The following PCDHA12 variants were observed in gnomAD, a reference collection of about 807,000 sequenced individuals.
The protein encoded by PCDHA12 is protocadherin alpha 12.
In PCDHA12, 44 loss-of-function variants were observed where a neutral mutation model predicts 60.0. That is an observed-to-expected ratio of 0.73 (90% CI 0.58 to 0.94). The LOEUF (loss-of-function observed/expected upper bound fraction) is 0.94. Among genes scored for constraint, PCDHA12 ranks in the 40% least tolerant of loss-of-function variants. PCDHA12 has a pLI of 0.00. For synonymous variants in PCDHA12, 569 were observed against 553.0 expected (o/e 1.03, Z -0.40); for missense variants, 1,276 against 1,239.7 (o/e 1.03, Z -0.44).
At chr5:140,897,803 C>A (rs1285512803) in intron 1 of PCDHA12, among the ~76,000 whole-genome samples, 2 of 152,130 alleles carry the variant, frequency 1.3e-5, no homozygotes, top group Non-Finnish European at 2.9e-5. Flanking sequence ...AGAGTCCCAC[C>A]AACAGTGTAA....
intron 1 of PCDHA12, among the ~76,000 whole-genome samples, chr5:140,905,211 G>A (rs1554191947): frequency 6.6e-6 from 1 of 152,130 alleles, no homozygotes; most frequent in Non-Finnish European, 1.5e-5. Flanking sequence ...GTTGATTTTT[G>A]TGTAAGGTGA....
intron 3 of PCDHA12, among the ~76,000 whole-genome samples, chr5:140,997,106 C>T (rs2153943751): frequency 6.6e-6 from 1 of 152,162 alleles, no homozygotes; most frequent in South Asian, 2.1e-4. Context: ...CTCATGCACT[C>T]CTGCTCTCCC....
chr5:140,959,538 A>G (rs1310965047), intron 1 of PCDHA12, among the ~76,000 whole-genome samples: 1 of 152,204 alleles, frequency 6.6e-6, no homozygotes, highest in Non-Finnish European at 1.5e-5. Flanking sequence ...TAATTCAGAG[A>G]TGCTGTATAA....
chr5:140,890,220 C>A (rs955015481), intron 1 of PCDHA12, among the ~76,000 whole-genome samples: 18 of 152,044 alleles, frequency 1.2e-4, no homozygotes, highest in Non-Finnish European at 2.6e-4. Flanking sequence ...TCCCAGAGAC[C>A]TAGTTGTTAA....
intron 3 of PCDHA12, among the ~76,000 whole-genome samples, chr5:140,997,083 A>C (rs1267571178): frequency 2.6e-5 from 4 of 152,174 alleles, no homozygotes; most frequent in Non-Finnish European, 5.9e-5. Flanking sequence ...AGTTGAGTAG[A>C]AAGTGCAGAG....
intron 1 of PCDHA12, among the ~76,000 whole-genome samples, chr5:140,942,047 T>C (rs2093223138): frequency 6.6e-6 from 1 of 152,228 alleles, no homozygotes; most frequent in African/African-American, 2.4e-5. Context: ...TGGTCTATTA[T>C]GAAATGTTTG....
intron 1 of PCDHA12, among the ~76,000 whole-genome samples, chr5:140,886,827 G>GA (rs782016620): frequency 0.032 from 1,958 of 60,672 alleles, 33 homozygotes; most frequent in African/African-American, 0.049. Context: ...ACTTCGTCTT[G>GA]AAAAAAAAAA....
chr5:140,929,080 A>G, intron 1 of PCDHA12: 1 of 1,614,180 alleles, frequency 6.2e-7, no homozygotes, highest in Non-Finnish European at 8.5e-7. Context: ...GTATGGAAGT[A>G]AGATGGTTTC....
chr5:140,936,780 T>C (rs2091148034), intron 1 of PCDHA12, among the ~76,000 whole-genome samples: 1 of 152,224 alleles, frequency 6.6e-6, no homozygotes, highest in Non-Finnish European at 1.5e-5. Flanking sequence ...TCTCTCACTT[T>C]GTTATTCTGC....
At chr5:140,959,815 C>T (rs1239999748) in intron 1 of PCDHA12, among the ~76,000 whole-genome samples, 1 of 151,920 alleles carries the variant, frequency 6.6e-6, no homozygotes, top group Non-Finnish European at 1.5e-5. Context: ...TATATTTTAC[C>T]CACATGATAA....
intron 1 of PCDHA12, among the ~76,000 whole-genome samples, chr5:140,900,090 A>G (rs1370301453): frequency 6.6e-6 from 1 of 152,152 alleles, no homozygotes; most frequent in Non-Finnish European, 1.5e-5. Context: ...AGTTACAAGC[A>G]TGCGCCACCA....
At chr5:140,882,584 C>G (rs1554174685) in intron 1 of PCDHA12, 5 of 1,614,238 alleles carry the variant, frequency 3.1e-6, no homozygotes, top group South Asian at 1.1e-5. Flanking sequence ...CAGCATCCAC[C>G]TGGAGGTGAT....
chr5:140,996,403 G>A (rs2097725218), intron 3 of PCDHA12, among the ~76,000 whole-genome samples: 2 of 152,216 alleles, frequency 1.3e-5, no homozygotes, highest in South Asian at 4.1e-4. Context: ...AGTTTCAGGT[G>A]GGGCAGGCAG....
chr5:140,982,795 A>ATGTG (rs60616196), intron 3 of PCDHA12, among the ~76,000 whole-genome samples: 1 of 151,628 alleles, frequency 6.6e-6, no homozygotes, highest in African/African-American at 2.4e-5. Context: ...GCATGTGTGC[A>ATGTG]TGTGTGTGTG....
chr5:140,982,153 C>T (rs990862287), intron 2 of PCDHA12, among the ~76,000 whole-genome samples: 1 of 152,162 alleles, frequency 6.6e-6, no homozygotes, highest in Non-Finnish European at 1.5e-5. Flanking sequence ...GCTTCAGTAT[C>T]GAGATGTTAA....
intron 3 of PCDHA12, among the ~76,000 whole-genome samples, chr5:140,999,495 A>G (rs868986339): frequency 6.6e-6 from 1 of 152,142 alleles, no homozygotes; most frequent in South Asian, 2.1e-4. Flanking sequence ...TATGTTACCC[A>G]AGAACCTACA....
intron 1 of PCDHA12, among the ~76,000 whole-genome samples, chr5:140,937,861 G>A (rs1159207693): frequency 6.6e-6 from 1 of 150,994 alleles, no homozygotes; most frequent in African/African-American, 2.4e-5. Context: ...GGAGTGAGCC[G>A]AGATCGCGCC....
In PCDHA12 at chr5:140,966,446, C is replaced by T. The variant is rs2096003680; in HGVS notation, c.2368-12503C>T. Reference sequence around the variant, plus strand: ...CTGAGCCCTCCTACCGCTCCCTTTCCCCCTCCCCCTCTGTCTTCCCTTCTG... The same window carrying T: ...CTGAGCCCTCCTACCGCTCCCTTTCTCCCTCCCCCTCTGTCTTCCCTTCTG... On this transcript the variant is annotated intron_variant, in intron 1 of 3. Transcript: ENST00000398631. 7 of 424,490 alleles carry T rather than the reference C, an allele frequency of 1.6e-5. No homozygotes were observed. The East Asian group carries it at 2.5e-4, about 15-fold the overall frequency. 26.3% of individuals were successfully genotyped at this position (424,490 alleles called of 1,614,324 possible).
intron 3 of PCDHA12, among the ~76,000 whole-genome samples, chr5:141,007,690 C>T (rs2098341020): frequency 6.6e-6 from 1 of 152,224 alleles, no homozygotes; most frequent in Non-Finnish European, 1.5e-5. Flanking sequence ...CCTACTTCCA[C>T]CTCCCTCCTC....
Sources: allele counts gnomAD v4.1 joint callset (sites outside exome capture counted in the v4.1 genomes callset), GRCh38; gene constraint gnomAD v4.1.1; transcripts MANE v1.5; gene names NCBI Gene and HGNC (gene_info 2026-07-23, HGNC 2026-07-21).